Variants in CACNA1B observed in about 807,000 individuals in gnomAD.
CACNA1B encodes the protein voltage-dependent N-type calcium channel subunit alpha-1B.
In CACNA1B, 70 loss-of-function variants were observed where a neutral mutation model predicts 247.2. The ratio of observed to expected loss-of-function variants is 0.28; its 90% CI spans 0.23 to 0.35. CACNA1B has a LOEUF of 0.35. Ranked by LOEUF, CACNA1B falls within the 10% of genes least tolerant of loss-of-function variation. The pLI is 1.00. For synonymous variants in CACNA1B, 1,231 were observed against 1,294.4 expected (o/e 0.95, Z 1.05); for missense variants, 2,367 against 3,197.4 (o/e 0.74, Z 6.26).
intron 34 of CACNA1B, among the ~76,000 whole-genome samples, 176 bp downstream of exon 34, chr9:138,074,242 C>T (rs1169410246): frequency 6.6e-6 from 1 of 150,696 alleles, no homozygotes; most frequent in Non-Finnish European, 1.5e-5. Context: ...TCTTTTCTTA[C>T]TCTTTTTTTT....
intron 6 of CACNA1B, among the ~76,000 whole-genome samples, chr9:137,949,241 ATGTGTGTGGTGTGTGG>A (rs1957846266): frequency 1.7e-4 from 3 of 17,982 alleles, no homozygotes; most frequent in African/African-American, 2.3e-4. Flanking sequence ...TGGTGTATGC[ATGTGTGTGGTGTGTGG>A]TGCGTGTGTG....
intron 3 of CACNA1B, among the ~76,000 whole-genome samples, chr9:137,884,963 C>G (rs977801609): frequency 3.7e-5 from 4 of 107,016 alleles, no homozygotes; most frequent in South Asian, 3.3e-4. Flanking sequence ...CTCTTCCCCC[C>G]CCCCCTCCTC....
At chr9:138,101,959 G>A (rs1267420410) in intron 37 of CACNA1B, among the ~76,000 whole-genome samples, 1 of 152,152 alleles carries the variant, frequency 6.6e-6, no homozygotes, top group Non-Finnish European at 1.5e-5. Context: ...CCTGCAACCT[G>A]CCCCTTTGCT....
intron 10 of CACNA1B, among the ~76,000 whole-genome samples, chr9:137,969,643 G>A (rs942136617): frequency 6.6e-6 from 1 of 152,218 alleles, no homozygotes; most frequent in Admixed American, 6.5e-5. Flanking sequence ...GTCCACAGGT[G>A]TGTGCCTCAT....
chr9:137,984,707 G>A (rs142349407), intron 13 of CACNA1B, among the ~76,000 whole-genome samples: 1 of 152,358 alleles, frequency 6.6e-6, no homozygotes, highest in East Asian at 1.9e-4. Context: ...CACTGAGCCA[G>A]CCTGGCACCT....
At position 138,050,082 on chromosome 9, in the gene CACNA1B, G is replaced by T. The variant is rs564335437; in HGVS notation, c.3710+767G>T. 4.7e-6 allele frequency: 6 copies of T among 1,289,594 alleles called. No individual in the cohort carries two copies. The highest frequency in any genetic ancestry group is 6.1e-6 in the Non-Finnish European group (6 of 988,694). 79.9% of individuals were successfully genotyped at this position (1,289,594 alleles called of 1,614,324 possible). A position where few individuals can be genotyped will look rare whatever the true frequency, so the allele number is the denominator to read the frequency against. On this transcript the variant is annotated intron_variant, in intron 24 of 46. Coordinates refer to ENST00000371372, the MANE Select transcript of CACNA1B (RefSeq NM_000718.4). This position sits in a 1 kb window ranked among gnomAD's most constrained non-coding sequence, Gnocchi z 5.2. Reference sequence around the variant, plus strand: ...TCTTGCTGGACTCGGCAGGAGCTTCGTGGGGTAATGCCTTCTCTCCCCCAC... The same window carrying T: ...TCTTGCTGGACTCGGCAGGAGCTTCTTGGGGTAATGCCTTCTCTCCCCCAC...
intron 3 of CACNA1B, among the ~76,000 whole-genome samples, chr9:137,898,830 C>T (rs962878935): frequency 2.0e-5 from 3 of 151,922 alleles, no homozygotes; most frequent in Admixed American, 6.6e-5. Context: ...TATAGGCACC[C>T]GTCCCCATGC....
rs1166119038 is a variant in CACNA1B, at chr9:137,913,113, G to A, written c.531-67G>A. On this transcript the variant is annotated intron_variant, in intron 3 of 46. Transcript: ENST00000371372. The surrounding 1 kb of genome is among the most constrained non-coding windows in gnomAD (Gnocchi z 5.2). The stretch of plus-strand genomic sequence containing the variant: ...GGGAGACATGACCCTGGTGGTGGGA[G>A]GAGTGTGTCCTCTTCCAGGCTCAAT... 8.3e-7 allele frequency: 1 copy of A among 1,211,340 alleles called. No individual in the cohort carries two copies. The highest frequency in any genetic ancestry group is 1.2e-6 in the Non-Finnish European group (1 of 822,620). The allele number at this position is 1,211,340 out of a possible 1,614,324, so 75.0% of individuals were successfully genotyped here.
chr9:138,075,734 C>A, intron 34 of CACNA1B, 85 bp from the exon 35 acceptor site: 2 of 840,750 alleles, frequency 2.4e-6, no homozygotes, highest in Non-Finnish European at 3.9e-6. Context: ...CCTTGTACGG[C>A]TCGCACGCCC....
At chr9:137,942,552 C>T (rs780764529) in intron 6 of CACNA1B, among the ~76,000 whole-genome samples, 26 of 152,128 alleles carry the variant, frequency 1.7e-4, no homozygotes, top group Non-Finnish European at 2.9e-4. Context: ...TTTGCAATTG[C>T]AAAAATGTGG....
intron 3 of CACNA1B, chr9:137,883,139 G>A: frequency 2.0e-6 from 1 of 494,348 alleles, no homozygotes. Flanking sequence ...CTGGCTTGCA[G>A]AGCGCACAGG....
rs1354427852 is a variant in CACNA1B at position 138,058,490 on chromosome 9, G to A, written c.4309-79G>A. Reference sequence around the variant, plus strand: ...GTCAGGGCTCCCTGTGAGGCCTGGCGAGACAGGGCTGGGTGCAGTAGATGC... The same window carrying A: ...GTCAGGGCTCCCTGTGAGGCCTGGCAAGACAGGGCTGGGTGCAGTAGATGC... On this transcript the variant is annotated intron_variant, in intron 28 of 46. Coordinates refer to ENST00000371372, the MANE Select transcript of CACNA1B (RefSeq NM_000718.4). The surrounding 1 kb of genome is among the most constrained non-coding windows in gnomAD (Gnocchi z 4.7). 1.4e-5 allele frequency: 19 copies of A among 1,336,480 alleles called. No homozygotes were observed. The highest frequency in any genetic ancestry group is 5.5e-5 in the South Asian group (4 of 73,002). 82.8% of individuals were successfully genotyped at this position (1,336,480 alleles called of 1,614,324 possible).
chr9:137,907,684 A>G (rs1957313620), intron 3 of CACNA1B, among the ~76,000 whole-genome samples: 1 of 151,648 alleles, frequency 6.6e-6, no homozygotes, highest in Non-Finnish European at 1.5e-5. Context: ...ATTCTTTTTC[A>G]TTTTCTTTAT....
At chr9:137,916,486 G>A (rs751861705) in intron 5 of CACNA1B, among the ~76,000 whole-genome samples, 1 of 152,146 alleles carries the variant, frequency 6.6e-6, no homozygotes, top group Admixed American at 6.5e-5. Context: ...CTGCCTGCTC[G>A]GTTTCAGCAC....
At position 138,121,463 on chromosome 9, in the gene CACNA1B, A is replaced by C. The variant is rs1337988212; in HGVS notation, c.6490-6A>C. 18 of 1,435,606 alleles carry C rather than the reference A, an allele frequency of 1.3e-5. No individual in the cohort carries two copies. In the East Asian group the frequency reaches 4.1e-4, roughly 33 times the overall value. The allele number at this position is 1,435,606 out of a possible 1,614,324, so 88.9% of individuals were successfully genotyped here. ...CTCTGATTTGTTCTGGTCCATTTTC[A>C]TGTAGGGCAGTGGTTCCGTGAATGG... On this transcript the variant is annotated splice_polypyrimidine_tract_variant and splice_region_variant and intron_variant, in intron 46 of 46. Transcript: ENST00000371372. This position sits in a 1 kb window ranked among gnomAD's most constrained non-coding sequence, Gnocchi z 6.8.
chr9:137,888,700 A>C lies in CACNA1B; in HGVS notation c.530+5817A>C, dbSNP rs1227652189. Among the ~76,000 whole-genome samples, 2 of 152,144 alleles carry C rather than the reference A, an allele frequency of 1.3e-5. No individual in the cohort carries two copies. Among genetic ancestry groups the C allele is most frequent in the Admixed American group, 6.5e-5 (1 of 15,282 alleles). ...GGGTGTGTGGGTGTGTGGCCGCTGC[A>C]CCAGGAGGGAGTCTGGTCAGCGGAG... is the stretch of plus-strand genomic sequence containing the variant. On this transcript the variant is annotated intron_variant, in intron 3 of 46. Coordinates refer to ENST00000371372, the MANE Select transcript of CACNA1B (RefSeq NM_000718.4). The surrounding 1 kb of genome is among the most constrained non-coding windows in gnomAD (Gnocchi z 4.7).
chr9:137,971,476 G>A lies in CACNA1B; in HGVS notation c.1427G>A (p.Arg476Gln), dbSNP rs1334617958. ...GAGAAGATGTTCCGGTTTTTTATCC[G>A]GCGCATGGTGAAGGCTCAGAGCTTC... Reference protein sequence around the residue: ...RKEKMFRFFIRRMVKAQSFYW... With the variant: ...RKEKMFRFFIQRMVKAQSFYW... Residue 476 changes from arginine to glutamine, a missense_variant, in exon 11 of 47, where the codon CGG becomes CAG. Physicochemically the swap from Arg to Gln is conservative, Grantham distance 43. Around this residue, in one of 12 missense-constraint regions of CACNA1B, gnomAD observed 219 missense variants for 297.6 expected, o/e 0.74. Coordinates refer to ENST00000371372, the MANE Select transcript of CACNA1B (RefSeq NM_000718.4). This position sits in a 1 kb window ranked among gnomAD's most constrained non-coding sequence, Gnocchi z 4.4. The A allele has an allele frequency of 3.1e-6, 5 of 1,613,552 alleles. No individual in the cohort carries two copies. Among genetic ancestry groups the A allele is most frequent in the Non-Finnish European group, 4.2e-6 (5 of 1,179,702 alleles).
intron 15 of CACNA1B, among the ~76,000 whole-genome samples, chr9:137,993,338 T>G (rs12375766): frequency 4.7e-5 from 4 of 85,216 alleles, no homozygotes; most frequent in Non-Finnish European, 8.3e-5. Context: ...TTTTTGTCTA[T>G]CTAGATTAAA....
Position 137,986,968 on chromosome 9 carries a change from A to C in CACNA1B, c.1974+114A>C. 1 of 837,914 alleles carries C rather than the reference A, an allele frequency of 1.2e-6. No homozygotes were observed. The highest frequency in any genetic ancestry group is 2.1e-6 in the Non-Finnish European group (1 of 486,600). The allele number at this position is 837,914 out of a possible 1,614,324, so 51.9% of individuals were successfully genotyped here. On this transcript the variant is annotated intron_variant, in intron 15 of 46. Transcript: ENST00000371372. The surrounding 1 kb of genome is among the most constrained non-coding windows in gnomAD (Gnocchi z 6.0). ...CTTGTTCCTCCACACGGCCCAGATC[A>C]CTGACTTTTCAGACACAGTGTTCCT...
Sources: allele counts gnomAD v4.1 joint callset (sites outside exome capture counted in the v4.1 genomes callset), GRCh38; gene constraint gnomAD v4.1.1; regional missense constraint gnomAD v4.1.1; non-coding constraint Gnocchi (gnomAD v3.1); transcripts MANE v1.5; gene names NCBI Gene and HGNC (gene_info 2026-07-23, HGNC 2026-07-21).